The following GRM8 variants were observed in gnomAD, a reference collection of about 807,000 sequenced individuals.
GRM8 encodes metabotropic glutamate receptor 8.
In GRM8, 47 loss-of-function variants were observed where a neutral mutation model predicts 87.2. The ratio of observed to expected loss-of-function variants is 0.54; its 90% CI spans 0.43 to 0.69. The LOEUF (loss-of-function observed/expected upper bound fraction) is 0.69, where lower values mean the gene tolerates loss of function less well. Among genes scored for constraint, GRM8 ranks in the 30% least tolerant of loss-of-function variants. The pLI is 0.00. For synonymous variants in GRM8, 396 were observed against 404.5 expected, an observed-to-expected ratio of 0.98 and a Z score of 0.25; for missense variants, 1,019 against 1,139.2, an observed-to-expected ratio of 0.89 and a Z score of 1.52.
intron 9 of GRM8, among the ~76,000 whole-genome samples, chr7:126,462,035 A>G (rs1309589924): frequency 6.6e-6 from 1 of 151,644 alleles, no homozygotes; most frequent in African/African-American, 2.4e-5. Flanking sequence ...TCCTTATGGA[A>G]GTGGCTTGCC....
chr7:126,625,877 T>C (rs1242762849), intron 7 of GRM8, among the ~76,000 whole-genome samples: 1 of 152,140 alleles, frequency 6.6e-6, no homozygotes, highest in Non-Finnish European at 1.5e-5. Context: ...AAAATGAATG[T>C]GAGAACAAAC....
intron 3 of GRM8, among the ~76,000 whole-genome samples, chr7:127,008,410 A>C (rs550484655): frequency 2.0e-5 from 3 of 152,252 alleles, no homozygotes; most frequent in South Asian, 4.1e-4. Context: ...AATGTCAACC[A>C]TCTATATTTT....
At chr7:127,152,303 G>A (rs528305613) in intron 2 of GRM8, among the ~76,000 whole-genome samples, 58 of 152,140 alleles carry the variant, frequency 3.8e-4, no homozygotes, top group Non-Finnish European at 7.4e-4. Flanking sequence ...AGCAATGCAG[G>A]TAAAGCACTT....
chr7:126,907,291 G>A (rs1228878966), intron 3 of GRM8, among the ~76,000 whole-genome samples: 1 of 146,356 alleles, frequency 6.8e-6, no homozygotes, highest in Non-Finnish European at 1.5e-5. Context: ...AGAAAGGGGA[G>A]GAGGAAGAGG....
chr7:126,990,414 G>A (rs1218493230), intron 3 of GRM8, among the ~76,000 whole-genome samples: 1 of 151,444 alleles, frequency 6.6e-6, no homozygotes, highest in Non-Finnish European at 1.5e-5. Context: ...ACCTAGGCTT[G>A]CATTATGTAT....
At chr7:127,051,975 T>C (rs914574358) in intron 3 of GRM8, among the ~76,000 whole-genome samples, 1 of 152,106 alleles carries the variant, frequency 6.6e-6, no homozygotes, top group Non-Finnish European at 1.5e-5. Flanking sequence ...TCTTCAAATA[T>C]CTAAAGAAAA....
chr7:127,035,134 G>A (rs1817734639), intron 3 of GRM8, among the ~76,000 whole-genome samples: 1 of 152,164 alleles, frequency 6.6e-6, no homozygotes. Flanking sequence ...TTGCAGAGCT[G>A]TATTTTAGAC....
chr7:126,853,325 T>C (rs11766962), intron 6 of GRM8, among the ~76,000 whole-genome samples: 23,936 of 152,192 alleles, frequency 0.16, 2,426 homozygotes, highest in South Asian at 0.24. Flanking sequence ...GTGTTTTTTT[T>C]GTTTGTTTTT....
At chr7:126,821,736 A>G (rs560939483) in intron 6 of GRM8, among the ~76,000 whole-genome samples, 2 of 152,328 alleles carry the variant, frequency 1.3e-5, no homozygotes, top group Admixed American at 1.3e-4. Context: ...CCTAAAGCTA[A>G]TACATTGCAT....
chr7:126,987,585 C>G (rs1262076379), intron 3 of GRM8, among the ~76,000 whole-genome samples: 1 of 152,030 alleles, frequency 6.6e-6, no homozygotes, highest in Non-Finnish European at 1.5e-5. Context: ...CTCAGCCTCC[C>G]GAGTACCTGG....
intron 3 of GRM8, among the ~76,000 whole-genome samples, chr7:127,017,144 T>C (rs1174001798): frequency 6.6e-6 from 1 of 152,074 alleles, no homozygotes; most frequent in East Asian, 1.9e-4. Context: ...CTATAATCTG[T>C]AGATTTTAAT....
At chr7:126,462,616 C>A (rs185408461) in intron 9 of GRM8, among the ~76,000 whole-genome samples, 1 of 151,662 alleles carries the variant, frequency 6.6e-6, no homozygotes, top group African/African-American at 2.4e-5. Flanking sequence ...AAACTATGTT[C>A]CTAAGAGTAG....
At chr7:126,940,609 G>A (rs574598805) in intron 3 of GRM8, among the ~76,000 whole-genome samples, 4 of 152,310 alleles carry the variant, frequency 2.6e-5, no homozygotes, top group South Asian at 2.1e-4. Context: ...AAGAGCCCTT[G>A]ATCCTCCATC....
chr7:126,615,362 C>T (rs538119923), intron 7 of GRM8, among the ~76,000 whole-genome samples: 30 of 152,256 alleles, frequency 2.0e-4, no homozygotes, highest in South Asian at 1.5e-3. Flanking sequence ...CCTACAAGAG[C>T]TCCTGAAGGA....
chr7:126,728,890 C>T (rs1431097975), intron 7 of GRM8, among the ~76,000 whole-genome samples: 1 of 152,176 alleles, frequency 6.6e-6, no homozygotes, highest in Non-Finnish European at 1.5e-5. Context: ...ATGTCAGACA[C>T]TCTTCTAGCC....
intron 2 of GRM8, among the ~76,000 whole-genome samples, chr7:127,178,085 C>T (rs1013521812): frequency 6.6e-6 from 1 of 152,060 alleles, no homozygotes; most frequent in African/African-American, 2.4e-5. Flanking sequence ...AGCCCAATGC[C>T]AGGAAATCCA....
At chr7:127,166,171 A>G (rs1004354220) in intron 2 of GRM8, among the ~76,000 whole-genome samples, 1 of 152,160 alleles carries the variant, frequency 6.6e-6, no homozygotes, top group African/African-American at 2.4e-5. Context: ...ATAATACAGG[A>G]TACTTTAATC....
intron 10 of GRM8, among the ~76,000 whole-genome samples, chr7:126,442,954 C>T (rs1801633088): frequency 6.6e-6 from 1 of 151,940 alleles, no homozygotes. Context: ...GAATCTTTAT[C>T]CCAGAAGTAT....
At chr7:127,180,288 G>C (rs1794360936) in intron 2 of GRM8, among the ~76,000 whole-genome samples, 1 of 152,010 alleles carries the variant, frequency 6.6e-6, no homozygotes, top group South Asian at 2.1e-4. Flanking sequence ...AACCCTTCTA[G>C]CTTAAATCAG....
Sources: gnomAD v4.1 joint callset for allele counts (sites outside exome capture counted in the v4.1 genomes callset) on GRCh38, gnomAD v4.1.1 for gene constraint, MANE v1.5 for transcripts, NCBI Gene and HGNC (gene_info 2026-07-23, HGNC 2026-07-21) for gene names.